Variants in SENP6 observed in about 807,000 individuals in gnomAD.
The protein encoded by SENP6 is SUMO specific peptidase 6, also known as sentrin-specific protease 6.
SENP6 carries 41 observed loss-of-function variants against 134.5 expected under a neutral mutation model. The observed-to-expected ratio is 0.30, with a 90% CI of 0.24 to 0.40. The LOEUF (loss-of-function observed/expected upper bound fraction) is 0.40, where lower values mean the gene tolerates loss of function less well. SENP6 is among the 10% of genes least tolerant of loss of function. SENP6 has a pLI of 1.00. For missense variants in SENP6, 1,248 were observed against 1,312.5 expected (o/e 0.95, Z 0.76); for synonymous variants, 395 against 429.8 (o/e 0.92, Z 1.00).
At chr6:75,631,847 G>A (rs1220058776) in intron 3 of SENP6, among the ~76,000 whole-genome samples, 1 of 152,090 alleles carries the variant, frequency 6.6e-6, no homozygotes, top group Non-Finnish European at 1.5e-5. Flanking sequence ...ATTGATATCC[G>A]GAGGCCCCCT....
intron 16 of SENP6, among the ~76,000 whole-genome samples, chr6:75,691,058 G>A (rs1253008070): frequency 6.7e-6 from 1 of 149,440 alleles, no homozygotes; most frequent in Non-Finnish European, 1.5e-5. Flanking sequence ...TGCCCAGGCT[G>A]GTCTCAAATT....
intron 16 of SENP6, among the ~76,000 whole-genome samples, chr6:75,691,607 G>A (rs1470782407): frequency 6.7e-6 from 1 of 148,616 alleles, no homozygotes; most frequent in Non-Finnish European, 1.5e-5. Flanking sequence ...TTTGTTTTTT[G>A]TTTTTTTTTT....
chr6:75,626,353 A>G (rs1166985227), intron 3 of SENP6, among the ~76,000 whole-genome samples: 1 of 151,832 alleles, frequency 6.6e-6, no homozygotes, highest in South Asian at 2.1e-4. Flanking sequence ...ATATATATAT[A>G]TATGTAAGCA....
At chr6:75,641,076 G>A (rs1393321103) in intron 6 of SENP6, among the ~76,000 whole-genome samples, 2 of 152,060 alleles carry the variant, frequency 1.3e-5, no homozygotes, top group Admixed American at 6.6e-5. Context: ...CTGTCTAGCT[G>A]TAATTTTGTA....
chr6:75,633,317 C>G (rs185958074), intron 3 of SENP6, among the ~76,000 whole-genome samples: 2 of 152,226 alleles, frequency 1.3e-5, no homozygotes, highest in East Asian at 1.9e-4. Context: ...CTAAGATCCT[C>G]TACCCTAATT....
intron 18 of SENP6, among the ~76,000 whole-genome samples, chr6:75,701,259 A>G (rs542016120): frequency 2.0e-5 from 3 of 152,302 alleles, no homozygotes; most frequent in African/African-American, 4.8e-5. Context: ...CTTGTATCCC[A>G]GCACAGCCCT....
chr6:75,695,563 C>A (rs1470080517), intron 16 of SENP6, among the ~76,000 whole-genome samples: 2 of 152,080 alleles, frequency 1.3e-5, no homozygotes, highest in African/African-American at 4.8e-5. Context: ...ATGGGGGAAA[C>A]CCTATCTCTA....
rs764245989 is a variant in SENP6 at position 75,677,232 on chromosome 6, G to A, written c.1824G>A (p.Gly608=). 6.3e-6 allele frequency: 10 copies of A among 1,586,382 alleles called. No homozygotes were observed. The highest frequency in any genetic ancestry group is 1.8e-5 in the Admixed American group (1 of 55,634). The change falls in exon 14 of 24, where the codon GGG becomes GGA. Residue 608 remains glycine, a synonymous_variant. Transcript: ENST00000447266. ...AAGAGAGCATCAAAGGAAGTTGTGG[G>A]CAAAAGGAAAACAAAATTAAAACTG... ...TYEESIKGSC[G]QKENKIKTVS...
intron 23 of SENP6, among the ~76,000 whole-genome samples, chr6:75,714,383 T>A (rs1327137475): frequency 6.6e-6 from 1 of 152,188 alleles, no homozygotes; most frequent in Non-Finnish European, 1.5e-5. Flanking sequence ...CCTATCTTCA[T>A]CCACCATACA....
At chr6:75,675,293 A>G in intron 11 of SENP6, 142 bp from the exon 12 acceptor site, 1 of 514,168 alleles carries the variant, frequency 1.9e-6, no homozygotes, top group East Asian at 3.5e-5. Flanking sequence ...TTAGGTGTTC[A>G]TTATAATGTT....
chr6:75,695,379 C>T (rs1462328891), intron 16 of SENP6, among the ~76,000 whole-genome samples: 1 of 152,162 alleles, frequency 6.6e-6, no homozygotes, highest in African/African-American at 2.4e-5. Context: ...CTAATAACTT[C>T]CTTGGTTCTA....
intron 16 of SENP6, among the ~76,000 whole-genome samples, chr6:75,684,122 A>C (rs1274243616): frequency 1.3e-5 from 2 of 152,128 alleles, no homozygotes; most frequent in East Asian, 1.9e-4. Context: ...CATCCCTTGT[A>C]AGTTGGATTC....
At position 75,697,803 on chromosome 6, in the gene SENP6, A is replaced by G. The variant is rs1473467550; in HGVS notation, c.2288+286A>G. ...AAAATATGGTGCTTATTGTCTAGCA[A>G]GTAACCTATAGAAAAGTATTATTTT... On this transcript the variant is annotated intron_variant, in intron 18 of 23. Coordinates refer to ENST00000447266, the MANE Select transcript of SENP6 (RefSeq NM_015571.4). The G allele has an allele frequency of 1.9e-5, 5 of 258,470 alleles. No homozygotes were observed. In the South Asian group the frequency reaches 6.7e-4, roughly 35 times the overall value. The allele number at this position is 258,470 out of a possible 1,614,324, so 16.0% of individuals were successfully genotyped here.
chr6:75,668,045 T>C (rs543858458), intron 10 of SENP6, among the ~76,000 whole-genome samples: 6 of 152,300 alleles, frequency 3.9e-5, no homozygotes, highest in Non-Finnish European at 7.4e-5. Context: ...GATACAAATA[T>C]GGGAACATAT....
At chr6:75,640,604 A>T in intron 5 of SENP6, 80 bp from the exon 6 acceptor site, 1 of 829,124 alleles carries the variant, frequency 1.2e-6, no homozygotes, top group East Asian at 2.9e-5. Flanking sequence ...TGCCTTAATG[A>T]CTATAGTTAC....
intron 5 of SENP6, among the ~76,000 whole-genome samples, chr6:75,637,507 T>C (rs1485938062): frequency 6.6e-6 from 1 of 152,082 alleles, no homozygotes; most frequent in Non-Finnish European, 1.5e-5. Context: ...GATAGAGAAG[T>C]ATGGAAAAAA....
At position 75,644,463 on chromosome 6, in the gene SENP6, A is replaced by ATTTC. The variant is rs545359052; in HGVS notation, c.480-3256_480-3253dup. 1.0e-4 allele frequency among the ~76,000 whole-genome samples: 15 copies of ATTTC among 147,498 alleles called. No homozygotes were observed. The South Asian group carries it at 3.3e-3, about 32-fold the overall frequency. On this transcript the variant is annotated intron_variant, in intron 6 of 23. Coordinates refer to ENST00000447266, the MANE Select transcript of SENP6 (RefSeq NM_015571.4). ...TGGGGTATTAGTAAATAGCTGGTAA[A>ATTTC]TTTCTTTCTTTCTTTTTTTTTTTTT...
chr6:75,679,650 A>T (rs1208685822), intron 16 of SENP6: 1 of 152,178 alleles, frequency 6.6e-6, no homozygotes, highest in Non-Finnish European at 1.5e-5. Flanking sequence ...TTACATTATG[A>T]CCCAATATAC....
intron 18 of SENP6, among the ~76,000 whole-genome samples, chr6:75,698,251 G>C (rs912658481): frequency 6.6e-6 from 1 of 152,206 alleles, no homozygotes; most frequent in East Asian, 1.9e-4. Context: ...GTGATATGGG[G>C]GAGGGTCTAA....
Sources: gnomAD v4.1 joint callset for allele counts (sites outside exome capture counted in the v4.1 genomes callset) on GRCh38, gnomAD v4.1.1 for gene constraint, MANE v1.5 for transcripts, NCBI Gene and HGNC (gene_info 2026-07-23, HGNC 2026-07-21) for gene names.